The following STARD13 variants were observed in gnomAD, a reference collection of about 807,000 sequenced individuals.
The protein encoded by STARD13 is StAR related lipid transfer domain containing 13.
A neutral mutation model predicts 106.4 loss-of-function variants in STARD13; 62 were observed. That is an observed-to-expected ratio of 0.58 (90% CI 0.48 to 0.72). The LOEUF (loss-of-function observed/expected upper bound fraction) is 0.72, where lower values mean the gene tolerates loss of function less well. STARD13 is among the 30% of genes least tolerant of loss of function. STARD13 has a pLI of 0.00. For missense variants in STARD13, 1,387 were observed against 1,424.0 expected, an observed-to-expected ratio of 0.97 and a Z score of 0.42; for synonymous variants, 565 against 553.0, an observed-to-expected ratio of 1.02 and a Z score of -0.31.
the STARD13 span, among the ~76,000 whole-genome samples, chr13:33,549,503 T>C: frequency 6.6e-6 from 1 of 152,172 alleles, no homozygotes; most frequent in African/African-American, 2.4e-5. Context: ...TTTTAACCCA[T>C]TTGGGGATAC....
intron 1 of STARD13, among the ~76,000 whole-genome samples, chr13:33,262,316 C>G (rs79011680): frequency 3.4e-4 from 52 of 152,288 alleles, no homozygotes; most frequent in African/African-American, 1.3e-3. Flanking sequence ...GTCTGCCTGC[C>G]TCGGTCCTGC....
At chr13:33,408,729 A>G in the STARD13 span, among the ~76,000 whole-genome samples, 3 of 151,980 alleles carry the variant, frequency 2.0e-5, no homozygotes, top group Non-Finnish European at 4.4e-5. Context: ...GGCTGATGTC[A>G]TCCCAATCCA....
At chr13:33,266,378 G>A (rs1011079754) in intron 1 of STARD13, among the ~76,000 whole-genome samples, 25 of 152,168 alleles carry the variant, frequency 1.6e-4, no homozygotes, top group African/African-American at 5.6e-4. Context: ...TCAAACCCAT[G>A]TTTATCTATT....
the STARD13 span, among the ~76,000 whole-genome samples, chr13:33,406,538 C>T: frequency 6.6e-6 from 1 of 152,158 alleles, no homozygotes; most frequent in Non-Finnish European, 1.5e-5. Context: ...AAGGATGCCT[C>T]GTTTAATCTA....
At chr13:33,420,043 A>G in the STARD13 span, among the ~76,000 whole-genome samples, 2 of 152,234 alleles carry the variant, frequency 1.3e-5, no homozygotes, top group Admixed American at 1.3e-4. Flanking sequence ...AAGAAACTGC[A>G]ACAATTTACA....
chr13:33,298,912 A>G (rs1892605348), intron 1 of STARD13, among the ~76,000 whole-genome samples: 1 of 152,248 alleles, frequency 6.6e-6, no homozygotes, highest in African/African-American at 2.4e-5. Flanking sequence ...GATAAATTCC[A>G]TAGAATAGCC....
At chr13:33,163,710 AACATATATATAAC>A in intron 3 of STARD13, among the ~76,000 whole-genome samples, 1 of 133,926 alleles carries the variant, frequency 7.5e-6, no homozygotes, top group East Asian at 2.1e-4. Flanking sequence ...ATATATATAA[AACATATATATAAC>A]ATATATAAAA....
At chr13:33,387,220 G>C in the STARD13 span, among the ~76,000 whole-genome samples, 1 of 152,158 alleles carries the variant, frequency 6.6e-6, no homozygotes, top group African/African-American at 2.4e-5. Flanking sequence ...GCCCATGCTG[G>C]TCTTGAACTT....
At chr13:33,401,117 C>T in the STARD13 span, among the ~76,000 whole-genome samples, 18 of 152,172 alleles carry the variant, frequency 1.2e-4, no homozygotes, top group African/African-American at 4.3e-4. Context: ...AACAGAATTT[C>T]GTTCTTTGTC....
the STARD13 span, among the ~76,000 whole-genome samples, chr13:33,384,075 T>G: frequency 6.6e-6 from 1 of 152,190 alleles, no homozygotes; most frequent in Non-Finnish European, 1.5e-5. Context: ...AGATAAATTA[T>G]CCCTGGGAGA....
the STARD13 span, among the ~76,000 whole-genome samples, chr13:33,568,797 G>C: frequency 0.14 from 20,229 of 147,702 alleles, 3,396 homozygotes; most frequent in East Asian, 0.33. Context: ...GATTTGTTAA[G>C]CTACATTTCA....
chr13:33,239,654 C>A (rs1889367885), intron 1 of STARD13, among the ~76,000 whole-genome samples: 3 of 152,112 alleles, frequency 2.0e-5, no homozygotes, highest in Non-Finnish European at 2.9e-5. Flanking sequence ...TACCAAGCAT[C>A]TTTTCATATA....
the STARD13 span, among the ~76,000 whole-genome samples, chr13:33,510,474 AG>A: frequency 6.6e-6 from 1 of 152,110 alleles, no homozygotes; most frequent in Non-Finnish European, 1.5e-5. Flanking sequence ...CAAGTTCTTT[AG>A]GTGGGGCTCT....
chr13:33,534,118 A>C, the STARD13 span, among the ~76,000 whole-genome samples: 1 of 152,206 alleles, frequency 6.6e-6, no homozygotes, highest in Non-Finnish European at 1.5e-5. Flanking sequence ...AGGAAAGCCT[A>C]CTAGCAACCC....
intron 6 of STARD13, 150 bp downstream of exon 6, chr13:33,127,223 A>G (rs1032964352): frequency 1.2e-6 from 1 of 858,960 alleles, no homozygotes; most frequent in Non-Finnish European, 1.7e-6. Context: ...CATCGAGGCT[A>G]CGGCAGAGCT....
intron 3 of STARD13, among the ~76,000 whole-genome samples, chr13:33,153,099 TC>T (rs2138290399): frequency 6.6e-6 from 1 of 152,294 alleles, no homozygotes; most frequent in Admixed American, 6.5e-5. Flanking sequence ...CACATAGTCT[TC>T]TCTAACATGA....
chr13:33,548,796 G>T, the STARD13 span, among the ~76,000 whole-genome samples: 8 of 151,898 alleles, frequency 5.3e-5, no homozygotes, highest in South Asian at 1.0e-3. Flanking sequence ...TATGCCTAAA[G>T]AATTTTCTGT....
intron 7 of STARD13, among the ~76,000 whole-genome samples, chr13:33,124,012 G>C (rs1278646853): frequency 6.6e-6 from 1 of 152,212 alleles, no homozygotes; most frequent in Non-Finnish European, 1.5e-5. Flanking sequence ...CAATTCCACA[G>C]AAGTGCTGTT....
chr13:33,147,344 C>T (rs145439050), intron 3 of STARD13, among the ~76,000 whole-genome samples: 258 of 152,270 alleles, frequency 1.7e-3, no homozygotes, highest in African/African-American at 6.1e-3. Flanking sequence ...CTTTAGCTGA[C>T]CTTGATGATC....
Sources: gnomAD v4.1 joint callset for allele counts (sites outside exome capture counted in the v4.1 genomes callset) on GRCh38, gnomAD v4.1.1 for gene constraint, MANE v1.5 for transcripts, NCBI Gene and HGNC (gene_info 2026-07-23, HGNC 2026-07-21) for gene names.